The following FRMPD4 variants were observed in gnomAD, a reference collection of about 807,000 sequenced individuals.
The protein encoded by FRMPD4 is FERM and PDZ domain containing 4.
FRMPD4 carries 22 observed loss-of-function variants against 94.1 expected under a neutral mutation model. The observed-to-expected ratio is 0.23, with a 90% CI of 0.17 to 0.33. The LOEUF is 0.33. Among genes scored for constraint, FRMPD4 ranks in the 10% least tolerant of loss-of-function variants. The pLI is 1.00. For synonymous variants in FRMPD4, 631 were observed against 548.6 expected, an observed-to-expected ratio of 1.15 and a Z score of -2.10; for missense variants, 1,111 against 1,339.9, an observed-to-expected ratio of 0.83 and a Z score of 2.67.
intron 1 of FRMPD4, among the ~76,000 whole-genome samples, chrX:12,470,122 AG>A (rs2057493476): frequency 8.9e-6 from 1 of 112,227 alleles, no homozygotes; most frequent in Non-Finnish European, 1.9e-5. Context: ...TCCAATAAGG[AG>A]CCAGTCAGAA....
intron 2 of FRMPD4, among the ~76,000 whole-genome samples, chrX:12,538,336 G>A (rs1602093002): frequency 1.1e-5 from 1 of 88,122 alleles, no homozygotes; most frequent in Non-Finnish European, 2.4e-5. Flanking sequence ...CAGGAAGCTC[G>A]AAATGGGTGG....
At chrX:11,895,578 A>T (rs2053898611) in intron 3 of FRMPD4, among the ~76,000 whole-genome samples, 1 of 112,058 alleles carries the variant, frequency 8.9e-6, no homozygotes, top group African/African-American at 3.2e-5. Flanking sequence ...TTTGAACTTC[A>T]AAATTCAGCA....
At chrX:11,867,603 C>A (rs1005674378) in intron 2 of FRMPD4, among the ~76,000 whole-genome samples, 1 of 111,967 alleles carries the variant, frequency 8.9e-6, no homozygotes, top group African/African-American at 3.2e-5. Context: ...AGCTTAATTT[C>A]TTTCTATTTT....
At chrX:12,522,833 C>T (rs1223076863) in intron 2 of FRMPD4, among the ~76,000 whole-genome samples, 9 of 111,285 alleles carry the variant, frequency 8.1e-5, no homozygotes, top group African/African-American at 2.9e-4. Context: ...GAACTCCTGA[C>T]CTCGGGTGAT....
intron 1 of FRMPD4, among the ~76,000 whole-genome samples, chrX:12,262,860 G>A (rs1206307316): frequency 9.0e-6 from 1 of 111,722 alleles, no homozygotes; most frequent in Non-Finnish European, 1.9e-5. Context: ...ATGAAATGGG[G>A]ATTGCTATGG....
chrX:12,499,645 C>A, intron 2 of FRMPD4, among the ~76,000 whole-genome samples: 1 of 112,727 alleles, frequency 8.9e-6, no homozygotes, highest in East Asian at 2.8e-4. Context: ...TCACTGACTT[C>A]TTTCACTTAG....
At chrX:12,671,240 T>C (rs999005058) in intron 4 of FRMPD4, among the ~76,000 whole-genome samples, 4 of 111,701 alleles carry the variant, frequency 3.6e-5, no homozygotes. Flanking sequence ...ACTGAGTATA[T>C]ACCCAAAGGA....
intron 1 of FRMPD4, among the ~76,000 whole-genome samples, chrX:12,184,692 G>A (rs1040508498): frequency 4.5e-5 from 5 of 111,966 alleles, no homozygotes; most frequent in African/African-American, 1.6e-4. Flanking sequence ...GATGGAACTG[G>A]AGGTCATCAT....
intron 1 of FRMPD4, among the ~76,000 whole-genome samples, chrX:12,187,526 G>T (rs982272179): frequency 2.7e-5 from 3 of 110,899 alleles, no homozygotes; most frequent in African/African-American, 9.8e-5. Flanking sequence ...GATATTCTTG[G>T]GCAGTTTTTT....
rs190426550 is a variant in FRMPD4 at position 12,064,757 on chromosome X, T to C, written c.95+186739T>C. Among the ~76,000 whole-genome samples the C allele has an allele frequency of 3.0e-3, 334 of 112,069 alleles. 1 individual carries two copies. The highest frequency in any genetic ancestry group is 0.01 in the African/African-American group (322 of 30,892). ...CAGGTTATAGGAATCCCTGACAATA[T>C]ATCCTGGGATAAAATTTATTCTGGA... On this transcript the variant is annotated intron_variant, in intron 3 of 18. Transcript: ENST00000640291.
At chrX:12,497,059 A>AGAATG (rs1293566607) in intron 1 of FRMPD4, among the ~76,000 whole-genome samples, 3 of 111,680 alleles carry the variant, frequency 2.7e-5, no homozygotes, top group African/African-American at 9.8e-5. Flanking sequence ...GAGGGGAAGA[A>AGAATG]GAATGGAAAG....
chrX:12,585,323 C>A (rs1203573984), intron 2 of FRMPD4, among the ~76,000 whole-genome samples: 1 of 109,698 alleles, frequency 9.1e-6, no homozygotes, highest in Non-Finnish European at 1.9e-5. Context: ...CAGGTTCAAG[C>A]AATTCTCCTG....
At chrX:12,384,089 G>A (rs1472102667) in intron 1 of FRMPD4, among the ~76,000 whole-genome samples, 1 of 111,651 alleles carries the variant, frequency 9.0e-6, no homozygotes, top group Non-Finnish European at 1.9e-5. Context: ...CACAAAAATT[G>A]GCACAACAGA....
rs1399699823 is a variant in FRMPD4 at position 12,331,803 on chromosome X, A to ATATAG, written c.42-166873_42-166872insGTATA. ...TATATTTATATACTGTATATAAATT[A>ATATAG]TATATATTTATATACTATATATAAA... On this transcript the variant is annotated intron_variant, in intron 1 of 16. Coordinates refer to ENST00000675598, the MANE Select transcript of FRMPD4 (RefSeq NM_001368397.1). 2.6e-4 allele frequency among the ~76,000 whole-genome samples: 9 copies of ATATAG among 33,994 alleles called. 1 individual carries two copies. The highest frequency in any genetic ancestry group is 3.2e-4 in the Non-Finnish European group (7 of 22,109). 29.5% of individuals were successfully genotyped at this position (33,994 alleles called of 115,157 possible).
chrX:12,296,265 G>A (rs991676809), intron 1 of FRMPD4, among the ~76,000 whole-genome samples: 3 of 111,758 alleles, frequency 2.7e-5, no homozygotes, highest in Admixed American at 9.5e-5. Context: ...CAGAAGGCAA[G>A]GACATTGTCA....
At chrX:12,500,635 A>G (rs2057909314) in intron 2 of FRMPD4, among the ~76,000 whole-genome samples, 1 of 110,984 alleles carries the variant, frequency 9.0e-6, no homozygotes, top group Non-Finnish European at 1.9e-5. Context: ...TCCTAAGGAT[A>G]TGCTCACAGA....
intron 3 of FRMPD4, among the ~76,000 whole-genome samples, chrX:12,611,077 G>A (rs748997942): frequency 1.8e-5 from 2 of 112,243 alleles, no homozygotes; most frequent in South Asian, 3.7e-4. Context: ...CTCAATCTTC[G>A]TATTACAGTA....
intron 1 of FRMPD4, among the ~76,000 whole-genome samples, chrX:11,845,178 A>G (rs917190936): frequency 1.8e-5 from 2 of 112,122 alleles, no homozygotes; most frequent in African/African-American, 6.5e-5. Flanking sequence ...TGGCTTCTGG[A>G]GACACTCAGA....
intron 3 of FRMPD4, among the ~76,000 whole-genome samples, chrX:12,014,395 C>T (rs948993945): frequency 8.9e-6 from 1 of 111,763 alleles, no homozygotes. Context: ...CAAGTGAATC[C>T]TATCTGCCCT....
Sources: allele counts gnomAD v4.1 joint callset (sites outside exome capture counted in the v4.1 genomes callset), GRCh38; gene constraint gnomAD v4.1.1; transcripts MANE v1.5; gene names NCBI Gene and HGNC (gene_info 2026-07-23, HGNC 2026-07-21).